The following RANBP2 variants were observed in gnomAD, a reference collection of about 807,000 sequenced individuals.
The protein encoded by RANBP2 is E3 SUMO-protein ligase RanBP2.
RANBP2 carries 57 observed loss-of-function variants against 303.6 expected under a neutral mutation model. That is an observed-to-expected ratio of 0.19 (90% CI 0.15 to 0.23). RANBP2 has a LOEUF of 0.23. RANBP2 is among the 10% of genes least tolerant of loss of function. The pLI is 1.00. For missense variants in RANBP2, 3,138 were observed against 3,780.8 expected, an observed-to-expected ratio of 0.83 and a Z score of 4.46; for synonymous variants, 1,167 against 1,301.5, an observed-to-expected ratio of 0.90 and a Z score of 2.23.
chr2:109,374,805 A>T, the RANBP2 span, among the ~76,000 whole-genome samples: 2 of 152,204 alleles, frequency 1.3e-5, no homozygotes, highest in African/African-American at 4.8e-5. Flanking sequence ...TATGGGGTTC[A>T]CCGAGGGACT....
chr2:109,168,192 A>G, the RANBP2 span, among the ~76,000 whole-genome samples: 2 of 152,214 alleles, frequency 1.3e-5, no homozygotes, highest in African/African-American at 4.8e-5. Flanking sequence ...ATTTGCAAAC[A>G]TTGCATCATT....
the RANBP2 span, among the ~76,000 whole-genome samples, chr2:109,455,096 C>T: frequency 3.3e-5 from 5 of 152,284 alleles, no homozygotes; most frequent in East Asian, 1.9e-4. Context: ...CACACAGCAT[C>T]GGCAGTGGAG....
the RANBP2 span, among the ~76,000 whole-genome samples, chr2:109,375,873 C>G: frequency 6.6e-6 from 1 of 152,238 alleles, no homozygotes; most frequent in East Asian, 1.9e-4. Flanking sequence ...ATGGGCAGTT[C>G]AGGGCGATGC....
the RANBP2 span, among the ~76,000 whole-genome samples, chr2:108,961,865 T>A: frequency 1.8e-4 from 27 of 152,296 alleles, no homozygotes; most frequent in African/African-American, 6.5e-4. Flanking sequence ...TGGAAATGAA[T>A]GGAAGCAGTG....
chr2:109,397,851 C>T, the RANBP2 span, among the ~76,000 whole-genome samples: 1 of 152,236 alleles, frequency 6.6e-6, no homozygotes, highest in East Asian at 1.9e-4. Flanking sequence ...TTCCTGATAA[C>T]CACCACCCAG....
the RANBP2 span, chr2:109,545,614 A>G: frequency 6.5e-7 from 1 of 1,529,864 alleles, no homozygotes; most frequent in Non-Finnish European, 8.7e-7. Context: ...CCTAAGAATT[A>G]ATTCAATAAA....
At chr2:109,273,278 A>G in the RANBP2 span, among the ~76,000 whole-genome samples, 3 of 152,212 alleles carry the variant, frequency 2.0e-5, no homozygotes, top group East Asian at 5.8e-4. Flanking sequence ...CTGTGGATGT[A>G]TCTGTGGGGC....
chr2:108,843,025 G>A, the RANBP2 span, among the ~76,000 whole-genome samples: 1 of 152,126 alleles, frequency 6.6e-6, no homozygotes, highest in Non-Finnish European at 1.5e-5. Context: ...AAGAAGAGAA[G>A]GAAAGTTTAT....
chr2:109,524,288 G>A, the RANBP2 span, among the ~76,000 whole-genome samples: 7 of 152,184 alleles, frequency 4.6e-5, no homozygotes, highest in East Asian at 1.9e-4. Flanking sequence ...CTGTAAGGAC[G>A]GCTCAGTGGT....
At chr2:109,231,882 A>G in the RANBP2 span, among the ~76,000 whole-genome samples, 2 of 152,254 alleles carry the variant, frequency 1.3e-5, no homozygotes, top group African/African-American at 4.8e-5. Flanking sequence ...TGTAATTCAC[A>G]TGCCATGTAA....
the RANBP2 span, among the ~76,000 whole-genome samples, chr2:109,697,726 T>C: frequency 0.97 from 147,969 of 152,252 alleles, 72,059 homozygotes; most frequent in Middle Eastern, 1. Context: ...TGTTTCTTTG[T>C]TTTGCTTTAT....
chr2:109,399,298 A>G, the RANBP2 span, among the ~76,000 whole-genome samples: 4 of 152,320 alleles, frequency 2.6e-5, no homozygotes, highest in South Asian at 6.2e-4. Context: ...TAGTGCTAGC[A>G]TATTTTTACC....
the RANBP2 span, among the ~76,000 whole-genome samples, chr2:109,172,629 C>A: frequency 6.6e-6 from 1 of 152,210 alleles, no homozygotes; most frequent in Non-Finnish European, 1.5e-5. Context: ...CATCACCTCT[C>A]CGGAGCCCAT....
chr2:109,408,346 G>A, the RANBP2 span, among the ~76,000 whole-genome samples: 2 of 152,282 alleles, frequency 1.3e-5, no homozygotes, highest in East Asian at 1.9e-4. Context: ...GGCCCTGGAC[G>A]GGAGGACTGT....
the RANBP2 span, among the ~76,000 whole-genome samples, chr2:109,668,515 C>T: frequency 6.6e-6 from 1 of 152,180 alleles, no homozygotes; most frequent in Admixed American, 6.5e-5. Flanking sequence ...CCACAGGCAA[C>T]ACTTGTGCGA....
At chr2:108,871,504 A>G in the RANBP2 span, among the ~76,000 whole-genome samples, 1 of 152,108 alleles carries the variant, frequency 6.6e-6, no homozygotes. Context: ...GTGAGCCGAG[A>G]TCATGCCACT....
chr2:109,261,865 A>T, the RANBP2 span, among the ~76,000 whole-genome samples: 47 of 151,546 alleles, frequency 3.1e-4, no homozygotes, highest in South Asian at 2.1e-3. Context: ...TTTTTTTTTT[A>T]AATTTATTAA....
chr2:109,421,934 G>A, the RANBP2 span, among the ~76,000 whole-genome samples: 1 of 152,184 alleles, frequency 6.6e-6, no homozygotes, highest in African/African-American at 2.4e-5. Flanking sequence ...GATGCATTCT[G>A]AAAACATGAC....
the RANBP2 span, among the ~76,000 whole-genome samples, chr2:109,048,291 A>C: frequency 6.6e-6 from 1 of 152,200 alleles, no homozygotes; most frequent in African/African-American, 2.4e-5. Flanking sequence ...CTTTGGCATT[A>C]AATATTAGCC....
Sources: gnomAD v4.1 joint callset for allele counts (sites outside exome capture counted in the v4.1 genomes callset) on GRCh38, gnomAD v4.1.1 for gene constraint, MANE v1.5 for transcripts, NCBI Gene and HGNC (gene_info 2026-07-23, HGNC 2026-07-21) for gene names.